Variants in TMC5 observed in about 807,000 individuals in gnomAD.
TMC5 encodes the protein transmembrane channel-like protein 5.
A neutral mutation model predicts 110.5 loss-of-function variants in TMC5; 86 were observed. The ratio of observed to expected loss-of-function variants is 0.78; its 90% CI spans 0.65 to 0.93. TMC5 has a LOEUF of 0.93. Ranked by LOEUF, TMC5 falls within the 40% of genes least tolerant of loss-of-function variation. The pLI is 0.00. For missense variants in TMC5, 1,144 were observed against 1,222.8 expected, an observed-to-expected ratio of 0.94 and a Z score of 0.96; for synonymous variants, 455 against 439.5, an observed-to-expected ratio of 1.04 and a Z score of -0.44.
chr16:19,419,416 T>TTG lies in TMC5; in HGVS notation c.-308+1325_-308+1326insGT, dbSNP rs1966931255. Among the ~76,000 whole-genome samples the TTG allele has an allele frequency of 3.8e-5, 5 of 132,346 alleles. No individual in the cohort carries two copies. In the South Asian group the frequency reaches 1.4e-3, roughly 37 times the overall value. 86.8% of individuals were successfully genotyped at this position (132,346 alleles called of 152,430 possible). On this transcript the variant is annotated intron_variant, in intron 1 of 21. Transcript: ENST00000542583. ...TGAATGTGTTGGTTTTTTTTTTTTT[T>TTG]TTTTTTTTTTTTTTGAGACAGTGTC...
chr16:19,481,576 A>C (rs7185836), intron 15 of TMC5, 111 bp downstream of exon 15: 205,578 of 775,360 alleles, frequency 0.27, 37,338 homozygotes, highest in African/African-American at 0.74. Flanking sequence ...AGGGGTGATA[A>C]CCCATCCAGC....
chr16:19,466,981 C>T (rs796825372), intron 9 of TMC5, among the ~76,000 whole-genome samples: 39 of 152,092 alleles, frequency 2.6e-4, no homozygotes, highest in African/African-American at 8.9e-4. Context: ...CCCATCTCTA[C>T]TAAAAATACA....
chr16:19,496,839 G>A (rs113007109), intron 20 of TMC5, among the ~76,000 whole-genome samples: 3,206 of 142,860 alleles, frequency 0.022, 134 homozygotes, highest in African/African-American at 0.078. Context: ...GCAGTGAGCC[G>A]AGATCATGCC....
At chr16:19,470,988 A>T (rs940184310) in intron 10 of TMC5, among the ~76,000 whole-genome samples, 1 of 152,142 alleles carries the variant, frequency 6.6e-6, no homozygotes, top group East Asian at 1.9e-4. Flanking sequence ...GTGAGCCAAG[A>T]TCGCGCCACT....
At chr16:19,427,499 C>T (rs1400782331) in intron 1 of TMC5, among the ~76,000 whole-genome samples, 2 of 152,060 alleles carry the variant, frequency 1.3e-5, no homozygotes, top group Admixed American at 6.6e-5. Flanking sequence ...ATCTAGTTCC[C>T]GAGCTGGCCA....
At chr16:19,451,858 G>T (rs1967757218) in intron 5 of TMC5, among the ~76,000 whole-genome samples, 1 of 152,118 alleles carries the variant, frequency 6.6e-6, no homozygotes, top group Non-Finnish European at 1.5e-5. Flanking sequence ...GAGTGCAGTG[G>T]CACCATCTCA....
intron 1 of TMC5, among the ~76,000 whole-genome samples, chr16:19,420,741 G>T (rs556267377): frequency 6.6e-6 from 1 of 152,166 alleles, no homozygotes; most frequent in South Asian, 2.1e-4. Context: ...AGGATTACAG[G>T]ATTGAGCCAT....
rs1967550442 is a variant in TMC5 at position 19,443,948 on chromosome 16, GATGGATGGATAA to G, written c.789-118_789-107del. 6 of 869,036 alleles carry G rather than the reference GATGGATGGATAA, an allele frequency of 6.9e-6. No homozygotes were observed. The Admixed American group carries it at 9.5e-5, about 14-fold the overall frequency. 53.8% of individuals were successfully genotyped at this position (869,036 alleles called of 1,614,324 possible). ...GGATGGATACATGGATGGATGGATGGATGGATGGATAAATGGATGGATAAATAAATGGATGAA... is the reference window on the plus strand; with the variant it reads ...GGATGGATACATGGATGGATGGATGGATGGATGGATAAATAAATGGATGAA... On this transcript the variant is annotated intron_variant, in intron 3 of 21. Transcript: ENST00000542583.
Position 19,440,653 on chromosome 16 carries a change from T to C in TMC5, c.615T>C (p.Pro205=), listed in dbSNP as rs200543763. 2 of 1,614,216 alleles carry C rather than the reference T, an allele frequency of 1.2e-6. No homozygotes were observed. Among genetic ancestry groups the C allele is most frequent in the African/African-American group, 1.3e-5 (1 of 75,048 alleles). ...INPYADSLGK[P]DYPGADIQPN... ...CATACGCAGACTCTCTGGGAAAGCC[T>C]GATTATCCAGGCGCTGACATTCAAC... is the stretch of plus-strand genomic sequence containing the variant. The change falls in exon 3 of 22, where the codon CCT becomes CCC. Residue 205 remains proline, a synonymous_variant. Transcript: ENST00000542583.
In TMC5 at chr16:19,498,112, T is replaced by G; in HGVS notation, c.*146T>G. 1 of 727,284 alleles carries G rather than the reference T, an allele frequency of 1.4e-6. No homozygotes were observed. Among genetic ancestry groups the G allele is most frequent in the Middle Eastern group, 2.4e-4 (1 of 4,114 alleles). The allele number at this position is 727,284 out of a possible 1,614,324, so 45.1% of individuals were successfully genotyped here. A position where few individuals can be genotyped will look rare whatever the true frequency, so the allele number is the denominator to read the frequency against. ...GAGCGGAAACTGACTACCATGTAAT[T>G]ATCAAAGTAAAATTGGGCATTCCAT... is the stretch of plus-strand genomic sequence containing the variant. On this transcript the variant is annotated 3_prime_UTR_variant, in exon 22 of 22. Coordinates refer to ENST00000542583, the MANE Select transcript of TMC5 (RefSeq NM_001261841.2).
chr16:19,461,460 G>C (rs1968020269), intron 6 of TMC5, among the ~76,000 whole-genome samples: 1 of 152,080 alleles, frequency 6.6e-6, no homozygotes. Context: ...TGTAATCCCA[G>C]CTACTGGGGA....
chr16:19,481,510 C>T (rs1280022451), intron 15 of TMC5, 45 bp downstream of exon 15: 1 of 1,384,032 alleles, frequency 7.2e-7, no homozygotes, highest in Non-Finnish European at 1.0e-6. Flanking sequence ...TCCCACATGA[C>T]TGTGGAGCTG....
chr16:19,443,766 TTGGATGGATGGATGGTAAA>T (rs1349236364), intron 3 of TMC5, among the ~76,000 whole-genome samples: 54 of 151,334 alleles, frequency 3.6e-4, no homozygotes, highest in African/African-American at 1.3e-3. Context: ...GTATGTATGG[TTGGATGGATGGATGGTAAA>T]TGGATGGATG....
chr16:19,434,349 G>A (rs1597165919), intron 2 of TMC5, among the ~76,000 whole-genome samples: 2 of 104,344 alleles, frequency 1.9e-5, no homozygotes, highest in South Asian at 2.8e-4. Context: ...TATATTATAT[G>A]ATCTATATTA....
intron 4 of TMC5, among the ~76,000 whole-genome samples, chr16:19,447,054 A>G (rs1384995896): frequency 6.6e-6 from 1 of 152,188 alleles, no homozygotes; most frequent in Non-Finnish European, 1.5e-5. Context: ...TAAGAGTTGT[A>G]TCAGCTAGCT....
At chr16:19,435,137 C>T (rs894271815) in intron 2 of TMC5, among the ~76,000 whole-genome samples, 14 of 152,076 alleles carry the variant, frequency 9.2e-5, no homozygotes, top group Admixed American at 7.9e-4. Flanking sequence ...GGTATAATGG[C>T]TCCTGGGAGA....
At chr16:19,416,535 C>T (rs1242669568), upstream of TMC5, among the ~76,000 whole-genome samples, 1 of 152,106 alleles carries the variant, frequency 6.6e-6, no homozygotes, top group Non-Finnish European at 1.5e-5. Context: ...CTGATGTAGC[C>T]CTTATCAACA....
At chr16:19,446,369 G>A (rs753675298) in intron 4 of TMC5, among the ~76,000 whole-genome samples, 4 of 152,184 alleles carry the variant, frequency 2.6e-5, no homozygotes. Context: ...ACTTCTTAGA[G>A]GACGGCAATG....
intron 10 of TMC5, 26 bp downstream of exon 10, chr16:19,469,851 T>G: frequency 6.2e-7 from 1 of 1,612,788 alleles, no homozygotes; most frequent in Non-Finnish European, 8.5e-7. Context: ...TTTACTCATT[T>G]GCCATCGGCT....
Sources: gnomAD v4.1 joint callset for allele counts (sites outside exome capture counted in the v4.1 genomes callset) on GRCh38, gnomAD v4.1.1 for gene constraint, MANE v1.5 for transcripts, NCBI Gene and HGNC (gene_info 2026-07-23, HGNC 2026-07-21) for gene names.